The following KIF1A variants were observed in gnomAD, a reference collection of about 807,000 sequenced individuals.
KIF1A encodes kinesin family member 1A, also known as kinesin-like protein KIF1A.
KIF1A carries 46 observed loss-of-function variants against 227.3 expected under a neutral mutation model. The observed-to-expected ratio is 0.20, with a 90% CI of 0.16 to 0.26. KIF1A has a LOEUF of 0.26. Among genes scored for constraint, KIF1A ranks in the 10% least tolerant of loss-of-function variants. The pLI, the probability that KIF1A is intolerant of heterozygous loss-of-function variation, is 1.00. For missense variants in KIF1A, 1,683 were observed against 2,485.9 expected (o/e 0.68, Z 6.87); for synonymous variants, 1,022 against 1,012.8 (o/e 1.01, Z -0.17).
rs191428830 is a variant in KIF1A, at chr2:240,719,906, C to T, written c.4889G>A (p.Arg1630Gln). Reference sequence around the variant, plus strand: ...CAGCTCGGGCTCTGGGCTGGCTGGCCGGGAGCAGGGCTGCGGGGTCCTGGG... The same window carrying T: ...CAGCTCGGGCTCTGGGCTGGCTGGCTGGGAGCAGGGCTGCGGGGTCCTGGG... ...TDLRTPQPCS[R>Q]PASPEPELLP... The change falls in exon 46 of 49, where the codon CGG becomes CAG. Residue 1630 changes from arginine (R) to glutamine (Q), a missense_variant. This residue lies in a region of KIF1A where 384 missense variants were observed against 410.1 expected (regional missense o/e 0.94). Coordinates refer to ENST00000498729, the MANE Select transcript of KIF1A (RefSeq NM_001244008.2). 2,214 of 1,610,628 alleles carry T rather than the reference C, an allele frequency of 1.4e-3. 13 individuals carry two copies. The highest frequency in any genetic ancestry group is 2.3e-3 in the East Asian group (101 of 44,828).
intron 2 of KIF1A, among the ~76,000 whole-genome samples, chr2:240,796,780 T>C (rs1470580875): frequency 1.3e-5 from 2 of 152,022 alleles, no homozygotes; most frequent in African/African-American, 2.4e-5. Context: ...CTCACTTCCA[T>C]AGGACGTGAC....
chr2:240,809,601 G>A (rs1302184561), intron 1 of KIF1A, among the ~76,000 whole-genome samples: 2 of 151,354 alleles, frequency 1.3e-5, no homozygotes, highest in African/African-American at 4.9e-5. Flanking sequence ...AGACCTCTAT[G>A]TTAACAAAAA....
At chr2:240,753,165 T>G (rs1051825813) in intron 27 of KIF1A, among the ~76,000 whole-genome samples, 1 of 152,164 alleles carries the variant, frequency 6.6e-6, no homozygotes, top group Non-Finnish European at 1.5e-5. Flanking sequence ...GCACCTGAGC[T>G]AGAGAAGGGG....
intron 7 of KIF1A, among the ~76,000 whole-genome samples, chr2:240,784,379 G>A (rs13384241): frequency 0.26 from 39,887 of 152,122 alleles, 6,542 homozygotes; most frequent in African/African-American, 0.47. Context: ...GGACCCTCTC[G>A]GTGCCCACCA....
At position 240,797,805 on chromosome 2, in the gene KIF1A, G is replaced by C; in HGVS notation, c.-53C>G. On this transcript the variant is annotated 5_prime_UTR_variant, in exon 2 of 49. Coordinates refer to ENST00000498729, the MANE Select transcript of KIF1A (RefSeq NM_001244008.2). ...GCAGTAGTGGGAGCCCCAGTGTGGG[G>C]GGAACACCTTGGAAAAAAGGGAAAC... 1 of 1,151,308 alleles carries C rather than the reference G, an allele frequency of 8.7e-7. No homozygotes were observed. Among genetic ancestry groups the C allele is most frequent in the South Asian group, 1.3e-5 (1 of 75,806 alleles). 71.3% of individuals were successfully genotyped at this position (1,151,308 alleles called of 1,614,324 possible).
In KIF1A at chr2:240,745,882, T is replaced by C; in HGVS notation, c.3230A>G (p.Asp1077Gly). Residue 1077 changes from aspartate to glycine, a missense_variant, in exon 31 of 49, where the codon GAC becomes GGC. By Grantham distance (94) the Asp-to-Gly change is moderately conservative. Around this residue, in one of 12 missense-constraint regions of KIF1A, gnomAD observed 759 missense variants for 1,020.2 expected, o/e 0.74. Coordinates refer to ENST00000498729, the MANE Select transcript of KIF1A (RefSeq NM_001244008.2). ...SAVPPEGLLL[D>G]SSEKAALDGP... is the part of the protein sequence containing the mutation. ...ATCCAGGGCGGCTTTCTCAGAGCTG[T>C]CTAGGAGGAGGCCTTCTGGGGGCAC... is the stretch of plus-strand genomic sequence containing the variant. 6.2e-7 allele frequency: 1 copy of C among 1,608,442 alleles called. No homozygotes were observed. The highest frequency in any genetic ancestry group is 8.5e-7 in the Non-Finnish European group (1 of 1,176,594).
intron 40 of KIF1A, chr2:240,724,684 A>G: frequency 6.3e-6 from 1 of 158,954 alleles, no homozygotes; most frequent in Admixed American, 6.4e-5. Flanking sequence ...ATTCCGGCTC[A>G]TTCTCCCCCA....
At chr2:240,783,604 T>A in intron 8 of KIF1A, 135 bp downstream of exon 8, 2 of 655,256 alleles carry the variant, frequency 3.1e-6, no homozygotes, top group Non-Finnish European at 2.6e-6. Context: ...GACCCCAGCC[T>A]ATGCCCACCC....
chr2:240,745,095 C>A (rs1448670626), intron 32 of KIF1A, among the ~76,000 whole-genome samples: 1 of 152,152 alleles, frequency 6.6e-6, no homozygotes, highest in African/African-American at 2.4e-5. Flanking sequence ...TTCCCAACAC[C>A]CAAGCCAGGG....
At chr2:240,784,819 G>T (rs544012146) in intron 7 of KIF1A, among the ~76,000 whole-genome samples, 170 bp downstream of exon 7, 8 of 151,976 alleles carry the variant, frequency 5.3e-5, no homozygotes, top group South Asian at 4.2e-4. Context: ...TCTGGGGCGG[G>T]GGGGGGGACG....
rs1445860057 is a variant in KIF1A at position 240,820,167 on chromosome 2, G to A, written c.-106C>T. The A allele has an allele frequency of 1.3e-5, 2 of 149,294 alleles. No individual in the cohort carries two copies. Among genetic ancestry groups the A allele is most frequent in the Non-Finnish European group, 3.0e-5 (2 of 66,566 alleles). 9.2% of individuals were successfully genotyped at this position (149,294 alleles called of 1,614,324 possible). On this transcript the variant is annotated 5_prime_UTR_variant, in exon 1 of 49. Transcript: ENST00000498729. The surrounding 1 kb of genome is among the most constrained non-coding windows in gnomAD (Gnocchi z 6.2). ...CGGCCCCGCATGGGCACTGGCATGG[G>A]CGCGGGCTCTCGAGCCCGGAGCTGC...
chr2:240,797,886 G>A (rs1214144067), intron 1 of KIF1A, 74 bp from the exon 2 acceptor site: 2 of 619,436 alleles, frequency 3.2e-6, no homozygotes, highest in African/African-American at 3.7e-5. Flanking sequence ...TGCAGCTGAA[G>A]CCACAGGTCT....
chr2:240,743,173 C>A (rs534745649), intron 33 of KIF1A, among the ~76,000 whole-genome samples, 189 bp from the exon 34 acceptor site: 1 of 152,256 alleles, frequency 6.6e-6, no homozygotes, highest in African/African-American at 2.4e-5. Context: ...ACCCCAGAGG[C>A]CACAGGGAAC....
chr2:240,772,068 T>G (rs1185385692), intron 14 of KIF1A, among the ~76,000 whole-genome samples: 1 of 152,180 alleles, frequency 6.6e-6, no homozygotes, highest in African/African-American at 2.4e-5. Context: ...CAGTATCCGC[T>G]GTGAAAGCTG....
rs1302658706 is a variant in KIF1A, at chr2:240,760,775, T to C, written c.2334A>G (p.Pro778=). 1.2e-6 allele frequency: 2 copies of C among 1,604,320 alleles called. No individual in the cohort carries two copies. The highest frequency in any genetic ancestry group is 1.7e-6 in the Non-Finnish European group (2 of 1,176,112). The stretch of plus-strand genomic sequence containing the variant: ...GCGTCTCTCGGTCTTTGGCGGCCTC[T>C]GGGGGCAGCAGGTCGGGTGGCAGAG... ...YSPLPPDLLP[P]EAAKDRETRP... is the part of the protein sequence containing the mutation. Residue 778 remains proline (P), a synonymous_variant, in exon 25 of 49, where the codon CCA becomes CCG. Coordinates refer to ENST00000498729, the MANE Select transcript of KIF1A (RefSeq NM_001244008.2).
At chr2:240,786,088 G>A (rs1022252675) in intron 6 of KIF1A, among the ~76,000 whole-genome samples, 1 of 152,184 alleles carries the variant, frequency 6.6e-6, no homozygotes, top group Non-Finnish European at 1.5e-5. Flanking sequence ...GGGCACCTCA[G>A]CCGGAGGACG....
In KIF1A at chr2:240,788,033, C is replaced by T. The variant is rs1188103117; in HGVS notation, c.363+18G>A. Reference sequence around the variant, plus strand: ...CCCCATCTGCCAGGGCTGCCCCCGCCCGCCCCCCGCTTCGTGCCTGTGGGA... The same window carrying T: ...CCCCATCTGCCAGGGCTGCCCCCGCTCGCCCCCCGCTTCGTGCCTGTGGGA... On this transcript the variant is annotated intron_variant, in intron 4 of 48. Transcript: ENST00000498729. The surrounding 1 kb of genome is among the most constrained non-coding windows in gnomAD (Gnocchi z 6.6). The T allele has an allele frequency of 2.1e-6, 3 of 1,442,238 alleles. No individual in the cohort carries two copies. The highest frequency in any genetic ancestry group is 2.8e-6 in the Non-Finnish European group (3 of 1,053,158). The allele number at this position is 1,442,238 out of a possible 1,614,324, so 89.3% of individuals were successfully genotyped here.
intron 38 of KIF1A, among the ~76,000 whole-genome samples, chr2:240,732,390 T>G (rs1481695438): frequency 2.5e-5 from 3 of 119,330 alleles, no homozygotes; most frequent in African/African-American, 1.0e-4. Flanking sequence ...GCGGAGGGAA[T>G]GAAGGGAGGC....
At chr2:240,717,808 G>A (rs557881744) in intron 48 of KIF1A, among the ~76,000 whole-genome samples, 7 of 152,232 alleles carry the variant, frequency 4.6e-5, no homozygotes, top group African/African-American at 1.7e-4. Context: ...GTGAGGGCAG[G>A]CCGCGCTGCC....
Sources: gnomAD v4.1 joint callset for allele counts (sites outside exome capture counted in the v4.1 genomes callset) on GRCh38, gnomAD v4.1.1 for gene constraint, gnomAD v4.1.1 regional missense constraint, Gnocchi (gnomAD v3.1) non-coding constraint, MANE v1.5 for transcripts, NCBI Gene and HGNC (gene_info 2026-07-23, HGNC 2026-07-21) for gene names.